Variants in DNAJC5B observed in about 807,000 individuals in gnomAD.
The protein encoded by DNAJC5B is dnaJ homolog subfamily C member 5B.
A neutral mutation model predicts 24.7 loss-of-function variants in DNAJC5B; 23 were observed. That is an observed-to-expected ratio of 0.93 (90% CI 0.67 to 1.32). The LOEUF is 1.32. Ranked by LOEUF, DNAJC5B falls within the 40% of genes most tolerant of loss-of-function variation. The probability of loss-of-function intolerance (pLI) is 0.00; values close to 1 mark genes in which losing one functional copy is unlikely to be tolerated. For missense variants in DNAJC5B, 238 were observed against 240.8 expected (o/e 0.99, Z 0.08); for synonymous variants, 101 against 90.1 (o/e 1.12, Z -0.68).
intron 5 of DNAJC5B, among the ~76,000 whole-genome samples, chr8:66,083,791 C>A (rs1375966694): frequency 1.3e-5 from 2 of 152,208 alleles, no homozygotes; most frequent in East Asian, 3.8e-4. Flanking sequence ...AAACTGAAAC[C>A]TATCCCTAAC....
At chr8:66,075,536 T>C (rs1807443218) in intron 3 of DNAJC5B, among the ~76,000 whole-genome samples, 1 of 152,186 alleles carries the variant, frequency 6.6e-6, no homozygotes, top group Non-Finnish European at 1.5e-5. Flanking sequence ...TAAAAAAACA[T>C]GTCTACAATG....
chr8:66,089,671 T>C (rs1455799200), intron 5 of DNAJC5B, among the ~76,000 whole-genome samples: 1 of 152,188 alleles, frequency 6.6e-6, no homozygotes, highest in East Asian at 1.9e-4. Context: ...TGTTCAATAG[T>C]GGTGGTACAG....
chr8:66,061,519 A>C (rs1346055046), intron 3 of DNAJC5B, among the ~76,000 whole-genome samples: 1 of 151,908 alleles, frequency 6.6e-6, no homozygotes, highest in Non-Finnish European at 1.5e-5. Flanking sequence ...GCAGTTTCCA[A>C]ACTCAGCTAG....
chr8:66,078,733 T>A (rs28623751), intron 4 of DNAJC5B, among the ~76,000 whole-genome samples: 6,154 of 152,010 alleles, frequency 0.04, 426 homozygotes, highest in African/African-American at 0.14. Flanking sequence ...ACTACGAAAA[T>A]GTAAATTTTC....
chr8:66,091,155 G>C (rs1807838475), intron 5 of DNAJC5B, among the ~76,000 whole-genome samples: 1 of 152,136 alleles, frequency 6.6e-6, no homozygotes, highest in South Asian at 2.1e-4. Flanking sequence ...GCCATGCCAG[G>C]GGCTAGAGGA....
intron 1 of DNAJC5B, among the ~76,000 whole-genome samples, chr8:66,042,496 C>G (rs1806631325): frequency 6.6e-6 from 1 of 152,130 alleles, no homozygotes; most frequent in Non-Finnish European, 1.5e-5. Context: ...ATTTACATAG[C>G]AACTATTTTT....
intron 5 of DNAJC5B, among the ~76,000 whole-genome samples, chr8:66,083,651 A>C (rs1239436861): frequency 6.6e-6 from 1 of 152,166 alleles, no homozygotes; most frequent in Non-Finnish European, 1.5e-5. Flanking sequence ...TTAGATTTTC[A>C]TGTCCCCTCA....
intron 3 of DNAJC5B, among the ~76,000 whole-genome samples, chr8:66,059,435 C>T (rs537071843): frequency 2.0e-5 from 3 of 152,258 alleles, no homozygotes; most frequent in East Asian, 1.9e-4. Context: ...ATTTAGATAT[C>T]GCTCCAAGAG....
intron 2 of DNAJC5B, among the ~76,000 whole-genome samples, chr8:66,050,598 GACTA>G (rs1563594659): frequency 6.6e-6 from 1 of 152,156 alleles, no homozygotes; most frequent in Non-Finnish European, 1.5e-5. Flanking sequence ...CTTCCTGGTG[GACTA>G]ACTGAGATCA....
intron 2 of DNAJC5B, among the ~76,000 whole-genome samples, chr8:66,049,458 A>G (rs1358042647): frequency 6.6e-6 from 1 of 152,132 alleles, no homozygotes; most frequent in African/African-American, 2.4e-5. Flanking sequence ...TTCTGTGTTT[A>G]GGTGTTAAAA....
chr8:66,047,364 A>G (rs534692098), intron 2 of DNAJC5B, among the ~76,000 whole-genome samples: 1 of 152,324 alleles, frequency 6.6e-6, no homozygotes, highest in South Asian at 2.1e-4. Flanking sequence ...ACACAAGAAG[A>G]ACCTGACACT....
At chr8:66,096,059 A>C (rs1807946412) in intron 5 of DNAJC5B, among the ~76,000 whole-genome samples, 1 of 152,222 alleles carries the variant, frequency 6.6e-6, no homozygotes, top group African/African-American at 2.4e-5. Context: ...GCCATAACAA[A>C]GTACTACAAA....
chr8:66,066,741 G>T (rs142079318), intron 3 of DNAJC5B, among the ~76,000 whole-genome samples: 3 of 152,130 alleles, frequency 2.0e-5, no homozygotes, highest in Admixed American at 2.0e-4. Context: ...GTAGAAGGGG[G>T]TGAAGGATAA....
At chr8:66,078,610 A>T (rs894283441) in intron 4 of DNAJC5B, among the ~76,000 whole-genome samples, 1 of 152,164 alleles carries the variant, frequency 6.6e-6, no homozygotes, top group Admixed American at 6.5e-5. Flanking sequence ...AAAATAGCTT[A>T]AAAAAGGGAG....
intron 3 of DNAJC5B, among the ~76,000 whole-genome samples, chr8:66,056,006 A>G (rs1042772188): frequency 1.6e-4 from 24 of 152,182 alleles, no homozygotes; most frequent in African/African-American, 5.8e-4. Flanking sequence ...AAGATGATGT[A>G]GACTTTTCTC....
At chr8:66,087,650 G>A (rs1218852705) in intron 5 of DNAJC5B, among the ~76,000 whole-genome samples, 1 of 152,204 alleles carries the variant, frequency 6.6e-6, no homozygotes, top group African/African-American at 2.4e-5. Context: ...CATTCCAAAT[G>A]GGAGAAACTG....
chr8:66,093,532 C>T (rs1807890154), intron 5 of DNAJC5B, among the ~76,000 whole-genome samples: 1 of 152,084 alleles, frequency 6.6e-6, no homozygotes, highest in Non-Finnish European at 1.5e-5. Context: ...TGGGTTTCCC[C>T]TTCTATGAAA....
intron 5 of DNAJC5B, among the ~76,000 whole-genome samples, chr8:66,086,224 T>C (rs1807721772): frequency 6.6e-6 from 1 of 152,228 alleles, no homozygotes; most frequent in East Asian, 1.9e-4. Context: ...AATTATATCA[T>C]CTACAAATAG....
intron 1 of DNAJC5B, among the ~76,000 whole-genome samples, chr8:66,035,764 G>C (rs1223789970): frequency 6.6e-6 from 1 of 152,178 alleles, no homozygotes; most frequent in Non-Finnish European, 1.5e-5. Flanking sequence ...GCAGCCTGGG[G>C]AATCTGACAA....
Sources: gnomAD v4.1 joint callset for allele counts (sites outside exome capture counted in the v4.1 genomes callset) on GRCh38, gnomAD v4.1.1 for gene constraint, MANE v1.5 for transcripts, NCBI Gene and HGNC (gene_info 2026-07-23, HGNC 2026-07-21) for gene names.